Variants in STPG4 observed in about 807,000 individuals in gnomAD.
The protein encoded by STPG4 is protein STPG4.
A neutral mutation model predicts 31.5 loss-of-function variants in STPG4; 41 were observed. The observed-to-expected ratio is 1.30, with a 90% confidence interval of 1.01 to 1.69. STPG4 has a LOEUF of 1.69. Ranked by LOEUF, STPG4 falls within the 40% of genes most tolerant of loss-of-function variation. STPG4 has a pLI of 0.00. For synonymous variants in STPG4, 141 were observed against 103.0 expected (o/e 1.37, Z -2.24); for missense variants, 375 against 293.4 (o/e 1.28, Z -2.03).
Position 47,130,399 on chromosome 2 carries a change from A to T in STPG4, c.400-139T>A, listed in dbSNP as rs1686453848. On this transcript the variant is annotated intron_variant, in intron 3 of 6. Transcript: ENST00000445927. The stretch of plus-strand genomic sequence containing the variant: ...TTTACTTTAATAGTGGAAAAGGAAA[A>T]TGTACATTTCCAAAGGTGGAGCTTC... The T allele has an allele frequency of 1.7e-5, 12 of 691,010 alleles. No homozygotes were observed. The South Asian group carries it at 2.5e-4, about 14-fold the overall frequency. 42.8% of individuals were successfully genotyped at this position (691,010 alleles called of 1,614,324 possible).
intron 3 of STPG4, among the ~76,000 whole-genome samples, chr2:47,133,957 C>A (rs1440762565): frequency 1.3e-5 from 2 of 152,094 alleles, no homozygotes. Context: ...TTGCACCAAA[C>A]ACCATCAATG....
intron 5 of STPG4, among the ~76,000 whole-genome samples, chr2:47,099,505 G>T (rs886183709): frequency 6.6e-6 from 1 of 152,266 alleles, no homozygotes; most frequent in Non-Finnish European, 1.5e-5. Context: ...AAGGAATGAA[G>T]GGCATTGAGA....
intron 3 of STPG4, among the ~76,000 whole-genome samples, chr2:47,131,379 G>T (rs758922173): frequency 6.7e-6 from 1 of 149,310 alleles, no homozygotes; most frequent in Non-Finnish European, 1.5e-5. Flanking sequence ...CACCCAGTTT[G>T]GCCTCCCAAA....
intron 3 of STPG4, among the ~76,000 whole-genome samples, chr2:47,141,597 A>G (rs1377965342): frequency 6.6e-6 from 1 of 151,798 alleles, no homozygotes; most frequent in Non-Finnish European, 1.5e-5. Flanking sequence ...CCGCTTGACT[A>G]ACCACTTTGA....
intron 3 of STPG4, among the ~76,000 whole-genome samples, chr2:47,141,986 TC>T (rs1199617441): frequency 3.4e-5 from 5 of 148,852 alleles, no homozygotes; most frequent in Admixed American, 1.4e-4. Context: ...GGTCAGCCCT[TC>T]TGTGGGCACA....
chr2:47,128,745 T>C (rs959439508), intron 5 of STPG4: 1 of 152,184 alleles, frequency 6.6e-6, no homozygotes, highest in African/African-American at 2.4e-5. Flanking sequence ...ATGCCTGGAA[T>C]TGGGAACCCC....
At chr2:47,140,742 A>G (rs1686684260) in intron 3 of STPG4, among the ~76,000 whole-genome samples, 1 of 152,202 alleles carries the variant, frequency 6.6e-6, no homozygotes, top group Non-Finnish European at 1.5e-5. Context: ...ACTGGAAGTC[A>G]GCGTGACACC....
At chr2:47,089,280 G>C (rs1168968229) in intron 6 of STPG4, among the ~76,000 whole-genome samples, 1 of 152,032 alleles carries the variant, frequency 6.6e-6, no homozygotes, top group Non-Finnish European at 1.5e-5. Flanking sequence ...CTGTCAGTCT[G>C]TCTGCAATTT....
intron 5 of STPG4, among the ~76,000 whole-genome samples, chr2:47,109,789 G>A (rs904581638): frequency 3.9e-5 from 6 of 152,042 alleles, no homozygotes; most frequent in African/African-American, 1.4e-4. Context: ...CAAACTATCA[G>A]CTTAGTTTTT....
At chr2:47,102,085 G>T (rs1473456880) in intron 5 of STPG4, among the ~76,000 whole-genome samples, 1 of 151,848 alleles carries the variant, frequency 6.6e-6, no homozygotes, top group Non-Finnish European at 1.5e-5. Flanking sequence ...TGGTCTGGGA[G>T]GAAAACTAGT....
At chr2:47,132,301 A>G (rs1027758306) in intron 3 of STPG4, among the ~76,000 whole-genome samples, 1 of 152,206 alleles carries the variant, frequency 6.6e-6, no homozygotes, top group African/African-American at 2.4e-5. Flanking sequence ...ATAAAATCCT[A>G]GGACCTGAAG....
intron 2 of STPG4, among the ~76,000 whole-genome samples, chr2:47,151,927 T>TG (rs1558690348): frequency 4.9e-4 from 74 of 151,648 alleles, no homozygotes; most frequent in Admixed American, 3.4e-3. Context: ...TTGTTTTTTT[T>TG]TTTTTTTTTG....
At chr2:47,127,249 A>ATTTTTTTTT (rs1686382744) in intron 5 of STPG4, among the ~76,000 whole-genome samples, 1 of 73,386 alleles carries the variant, frequency 1.4e-5, no homozygotes, top group Non-Finnish European at 2.6e-5. Context: ...CTTCAAGCTA[A>ATTTTTTTTT]TTCTTTTTTT....
intron 5 of STPG4, among the ~76,000 whole-genome samples, chr2:47,106,705 G>A (rs1685919080): frequency 6.6e-6 from 1 of 151,956 alleles, no homozygotes; most frequent in Non-Finnish European, 1.5e-5. Flanking sequence ...AAACGCTTCT[G>A]AAATCAGACA....
At chr2:47,095,613 A>G (rs1379642301) in intron 5 of STPG4, among the ~76,000 whole-genome samples, 1 of 152,176 alleles carries the variant, frequency 6.6e-6, no homozygotes, top group Non-Finnish European at 1.5e-5. Context: ...TGTTCAGCTC[A>G]TGTCTTTATT....
chr2:47,099,277 C>A (rs1244243299), intron 5 of STPG4, among the ~76,000 whole-genome samples: 2 of 152,244 alleles, frequency 1.3e-5, no homozygotes, highest in African/African-American at 2.4e-5. Flanking sequence ...GGTTTGAAAT[C>A]TGAGGCAGTT....
In STPG4 at chr2:47,152,853, C is replaced by T. The variant is rs970617306; in HGVS notation, c.141+104G>A. On this transcript the variant is annotated intron_variant, in intron 2 of 6. Coordinates refer to ENST00000445927, the MANE Select transcript of STPG4 (RefSeq NM_001163561.2). ...TGAGGTCCATGCAGATCTGAACAAT[C>T]ACTGTTTTCTTACAATTTAGTGTTA... 1.0e-5 allele frequency: 8 copies of T among 786,312 alleles called. No homozygotes were observed. In the African/African-American group the frequency reaches 1.3e-4, roughly 12 times the overall value. 48.7% of individuals were successfully genotyped at this position (786,312 alleles called of 1,614,324 possible).
intron 5 of STPG4, among the ~76,000 whole-genome samples, chr2:47,120,664 G>C (rs1257585706): frequency 6.6e-6 from 1 of 152,128 alleles, no homozygotes; most frequent in East Asian, 1.9e-4. Context: ...CCGGGTTTCA[G>C]TCATATGTTA....
intron 3 of STPG4, among the ~76,000 whole-genome samples, chr2:47,134,695 G>A (rs1372666412): frequency 3.3e-5 from 5 of 152,216 alleles, no homozygotes; most frequent in South Asian, 2.1e-4. Context: ...GTGGGTGTAA[G>A]CTTTCAAGTC....
Sources: gnomAD v4.1 joint callset for allele counts (sites outside exome capture counted in the v4.1 genomes callset) on GRCh38, gnomAD v4.1.1 for gene constraint, MANE v1.5 for transcripts, NCBI Gene and HGNC (gene_info 2026-07-23, HGNC 2026-07-21) for gene names.